The following SV2C variants were observed in gnomAD, a reference collection of about 807,000 sequenced individuals.
SV2C encodes solute carrier family 22 member B3.
Under a neutral mutation model 79.7 loss-of-function variants are expected in SV2C, and 49 were observed. The observed-to-expected ratio is 0.61, with a 90% CI of 0.49 to 0.78. The LOEUF (loss-of-function observed/expected upper bound fraction) is 0.78, where lower values mean the gene tolerates loss of function less well. SV2C is among the 30% of genes least tolerant of loss of function. SV2C has a pLI of 0.00. For synonymous variants in SV2C, 334 were observed against 333.2 expected, an observed-to-expected ratio of 1.00 and a Z score of -0.03; for missense variants, 833 against 912.9, an observed-to-expected ratio of 0.91 and a Z score of 1.13.
chr5:76,198,952 G>A (rs1744351337), intron 3 of SV2C, among the ~76,000 whole-genome samples: 1 of 152,230 alleles, frequency 6.6e-6, no homozygotes, highest in Middle Eastern at 3.4e-3. Context: ...CCACCTTCCA[G>A]GAATTAGAGC....
the SV2C span, among the ~76,000 whole-genome samples, chr5:75,961,599 T>C: frequency 2.1e-4 from 32 of 150,338 alleles, no homozygotes; most frequent in African/African-American, 8.0e-4. Context: ...AATACAATTA[T>C]TTTTAAAACC....
At chr5:75,922,274 C>T in the SV2C span, among the ~76,000 whole-genome samples, 13 of 152,208 alleles carry the variant, frequency 8.5e-5, 1 homozygote, top group African/African-American at 3.1e-4. Context: ...CCTTTCCCCC[C>T]AGTCTATCAA....
At chr5:75,970,777 C>G in the SV2C span, among the ~76,000 whole-genome samples, 1 of 152,074 alleles carries the variant, frequency 6.6e-6, no homozygotes, top group African/African-American at 2.4e-5. Flanking sequence ...CCTTCTGAAA[C>G]TATTCCAATC....
chr5:76,001,484 C>T, the SV2C span, among the ~76,000 whole-genome samples: 11,337 of 151,818 alleles, frequency 0.075, 450 homozygotes, highest in Admixed American at 0.1. Context: ...CACCTGTGGT[C>T]CCAGCTACTC....
At chr5:76,103,422 C>A (rs1207555814) in intron 1 of SV2C, among the ~76,000 whole-genome samples, 5 of 152,044 alleles carry the variant, frequency 3.3e-5, no homozygotes, top group Admixed American at 2.0e-4. Context: ...ATTAATGTCC[C>A]CTCACTATGT....
chr5:75,885,601 T>C, the SV2C span, among the ~76,000 whole-genome samples: 1 of 152,118 alleles, frequency 6.6e-6, no homozygotes, highest in Non-Finnish European at 1.5e-5. Flanking sequence ...AAAAAAAGTA[T>C]TCACAGGCAA....
At chr5:76,199,423 A>G (rs1466746254) in intron 3 of SV2C, among the ~76,000 whole-genome samples, 2 of 152,178 alleles carry the variant, frequency 1.3e-5, no homozygotes, top group African/African-American at 2.4e-5. Flanking sequence ...TTCTTCTCCC[A>G]GGGCCCTCCC....
the SV2C span, among the ~76,000 whole-genome samples, chr5:75,883,235 T>A: frequency 2.3e-5 from 3 of 128,122 alleles, no homozygotes; most frequent in African/African-American, 1.1e-4. Flanking sequence ...ACTTTTACAC[T>A]GTTGGTGGGA....
intron 12 of SV2C, among the ~76,000 whole-genome samples, chr5:76,345,462 T>C (rs1322124149): frequency 1.3e-5 from 2 of 152,152 alleles, no homozygotes; most frequent in African/African-American, 4.8e-5. Context: ...ACATGTATTA[T>C]GATGGCAGAA....
At chr5:75,921,830 T>C in the SV2C span, among the ~76,000 whole-genome samples, 45 of 152,132 alleles carry the variant, frequency 3.0e-4, no homozygotes, top group African/African-American at 1.1e-3. Flanking sequence ...GGTTTTTTTT[T>C]TTAAGCCTGT....
chr5:76,298,080 C>G (rs961163448), intron 9 of SV2C, among the ~76,000 whole-genome samples: 2 of 152,122 alleles, frequency 1.3e-5, no homozygotes, highest in Admixed American at 6.6e-5. Flanking sequence ...TAGAATTCCC[C>G]CTTATAATAC....
Position 76,246,066 on chromosome 5 carries a change from A to G in SV2C, c.913+36179A>G, listed in dbSNP as rs559144974. Among the ~76,000 whole-genome samples the G allele has an allele frequency of 8.6e-4, 131 of 152,138 alleles. 1 individual carries two copies. The highest frequency in any genetic ancestry group is 1.2e-3 in the Non-Finnish European group (85 of 68,004). On this transcript the variant is annotated intron_variant, in intron 4 of 12. Transcript: ENST00000502798. ...TATTTATCTTTTAAGTTTGCTTACA[A>G]TGTACCCATCACCATCAGGAAATGT...
chr5:76,353,826 T>G (rs1279158427), exon 13 of SV2C: 2 of 152,260 alleles, frequency 1.3e-5, no homozygotes, highest in African/African-American at 4.8e-5. Flanking sequence ...GGCTTTTAAC[T>G]TGCATAGCCC....
At chr5:75,920,591 G>A in the SV2C span, 1 of 542,050 alleles carries the variant, frequency 1.8e-6, no homozygotes, top group Admixed American at 3.2e-5. Flanking sequence ...GATAGTGCAT[G>A]TGGACCTGAA....
At chr5:76,246,134 GTT>G (rs1745940990) in intron 4 of SV2C, among the ~76,000 whole-genome samples, 1 of 152,010 alleles carries the variant, frequency 6.6e-6, no homozygotes, top group African/African-American at 2.4e-5. Context: ...ACTCCTGGGA[GTT>G]AGGGGAATCA....
At chr5:76,096,313 A>G (rs565179770) in intron 1 of SV2C, among the ~76,000 whole-genome samples, 1 of 152,134 alleles carries the variant, frequency 6.6e-6, no homozygotes, top group Non-Finnish European at 1.5e-5. Flanking sequence ...TTTTAACAAT[A>G]CTTGTATTCT....
intron 2 of SV2C, among the ~76,000 whole-genome samples, chr5:76,175,547 G>A (rs913058962): frequency 6.6e-6 from 1 of 152,112 alleles, no homozygotes; most frequent in Non-Finnish European, 1.5e-5. Context: ...GAGTAACATG[G>A]TGCTAAAATT....
upstream of SV2C, chr5:76,079,640 C>G (rs780425092): frequency 2.3e-5 from 8 of 348,662 alleles, no homozygotes; most frequent in Non-Finnish European, 4.6e-5. Flanking sequence ...GACAGAAGCC[C>G]TGCCACTCTA....
the SV2C span, among the ~76,000 whole-genome samples, chr5:76,042,006 C>T: frequency 1.1e-4 from 17 of 152,128 alleles, no homozygotes; most frequent in South Asian, 4.2e-4. Flanking sequence ...GTTTCAGGCC[C>T]GATGTTTGCC....
Sources: gnomAD v4.1 joint callset for allele counts (sites outside exome capture counted in the v4.1 genomes callset) on GRCh38, gnomAD v4.1.1 for gene constraint, MANE v1.5 for transcripts, NCBI Gene and HGNC (gene_info 2026-07-23, HGNC 2026-07-21) for gene names.